Variants in FADS2 observed in about 807,000 individuals in gnomAD.
The protein encoded by FADS2 is acyl-CoA 6-desaturase.
A neutral mutation model predicts 61.2 loss-of-function variants in FADS2; 18 were observed. The ratio of observed to expected loss-of-function variants is 0.29; its 90% CI spans 0.20 to 0.44. FADS2 has a LOEUF of 0.44. Among genes scored for constraint, FADS2 ranks in the 20% least tolerant of loss-of-function variants. The probability of loss-of-function intolerance (pLI) is 1.00; values close to 1 mark genes in which losing one functional copy is unlikely to be tolerated. For missense variants in FADS2, 322 were observed against 572.7 expected (o/e 0.56, Z 4.47); for synonymous variants, 203 against 223.9 (o/e 0.91, Z 0.83).
chr11:61,820,125 G>A (rs774873195), intron 1 of FADS2, among the ~76,000 whole-genome samples: 8 of 151,634 alleles, frequency 5.3e-5, no homozygotes, highest in South Asian at 4.2e-4. Flanking sequence ...GAATCACCTG[G>A]GCAACATGGT....
chr11:61,857,946 A>G (rs1251032956), intron 7 of FADS2, among the ~76,000 whole-genome samples: 2 of 152,212 alleles, frequency 1.3e-5, no homozygotes, highest in African/African-American at 4.8e-5. Context: ...CGAAGACCGT[A>G]TGACAAAGCA....
chr11:61,859,409 C>T (rs1262763041), intron 7 of FADS2, among the ~76,000 whole-genome samples: 2 of 152,216 alleles, frequency 1.3e-5, no homozygotes, highest in Admixed American at 1.3e-4. Flanking sequence ...TTCACCCTGA[C>T]TGTGAATTTA....
rs183164194 is a variant in FADS2, at chr11:61,861,031, C to T, written c.883-1941C>T. ...ACCAGCCTGGGCAAGTAAGTGAGACCCCCCCATCTCTATAAAAACTTAAAA... is the reference window on the plus strand; with the variant it reads ...ACCAGCCTGGGCAAGTAAGTGAGACTCCCCCATCTCTATAAAAACTTAAAA... On this transcript the variant is annotated intron_variant, in intron 7 of 11. Coordinates refer to ENST00000278840, the MANE Select transcript of FADS2 (RefSeq NM_004265.4). 1.8e-3 allele frequency among the ~76,000 whole-genome samples: 269 copies of T among 151,664 alleles called. 2 individuals carry two copies. The highest frequency in any genetic ancestry group is 2.3e-3 in the Non-Finnish European group (153 of 67,904).
chr11:61,857,141 C>A, intron 6 of FADS2, 70 bp downstream of exon 6: 1 of 1,272,560 alleles, frequency 7.9e-7, no homozygotes, highest in Non-Finnish European at 1.2e-6. Context: ...TCTCTCCCTC[C>A]TACCTGACAT....
At chr11:61,837,635 G>C (rs1475471192) in intron 1 of FADS2, 143 bp from the exon 2 acceptor site, 3 of 623,628 alleles carry the variant, frequency 4.8e-6, no homozygotes, top group African/African-American at 1.8e-5. Flanking sequence ...TGCTGGAGAC[G>C]GCATTTGGGG....
chr11:61,820,893 C>G (rs919150247), intron 1 of FADS2, among the ~76,000 whole-genome samples: 5 of 152,108 alleles, frequency 3.3e-5, no homozygotes, highest in Non-Finnish European at 7.4e-5. Flanking sequence ...GAGCCAGACT[C>G]TGTCTCTAAA....
intron 10 of FADS2, among the ~76,000 whole-genome samples, chr11:61,864,588 T>G (rs1452578305): frequency 6.6e-6 from 1 of 151,238 alleles, no homozygotes; most frequent in Admixed American, 6.6e-5. Context: ...GGAGACGGGG[T>G]TTCACCATGT....
At chr11:61,825,335 A>G (rs2067075404), upstream of FADS2, among the ~76,000 whole-genome samples, 1 of 150,282 alleles carries the variant, frequency 6.7e-6, no homozygotes. Context: ...AGGATATTCT[A>G]GGCTGGGCAG....
intron 5 of FADS2, chr11:61,854,186 T>C (rs988908091): frequency 1.3e-5 from 2 of 152,338 alleles, no homozygotes; most frequent in African/African-American, 4.8e-5. Flanking sequence ...TCTCTGTGTG[T>C]GTGACGGGGA....
At chr11:61,838,106 T>G (rs75992720) in intron 2 of FADS2, among the ~76,000 whole-genome samples, 9,519 of 152,250 alleles carry the variant, frequency 0.063, 383 homozygotes, top group African/African-American at 0.11. Flanking sequence ...TCCTCTCTCC[T>G]GGCCAGTTTC....
intron 8 of FADS2, 100 bp downstream of exon 8, chr11:61,863,169 C>T (rs2067432248): frequency 2.1e-6 from 3 of 1,437,340 alleles, no homozygotes; most frequent in Admixed American, 3.4e-5. Flanking sequence ...GCCTGGGGAC[C>T]TCCCATCCTG....
At chr11:61,841,515 A>G (rs1390510883) in intron 4 of FADS2, among the ~76,000 whole-genome samples, 1 of 150,660 alleles carries the variant, frequency 6.6e-6, no homozygotes, top group Non-Finnish European at 1.5e-5. Flanking sequence ...CCTGGGCAAC[A>G]TAGTGAGACC....
chr11:61,854,332 A>G (rs1331758947), intron 5 of FADS2: 1 of 152,298 alleles, frequency 6.6e-6, no homozygotes, highest in Non-Finnish European at 1.5e-5. Context: ...TGCGTGCACA[A>G]CGTCACTTAA....
chr11:61,824,447 GGA>G (rs2067058818), upstream of FADS2, among the ~76,000 whole-genome samples: 4 of 5,290 alleles, frequency 7.6e-4, no homozygotes, highest in African/African-American at 2.3e-3. Flanking sequence ...AGGGAGGGAG[GGA>G]GGGAGGGAGG....
At chr11:61,825,828 GC>G (rs2067080322), upstream of FADS2, among the ~76,000 whole-genome samples, 4 of 152,144 alleles carry the variant, frequency 2.6e-5, no homozygotes, top group Admixed American at 2.6e-4. Flanking sequence ...GGGAGGTGGA[GC>G]TTGCAGTGAG....
chr11:61,860,035 AG>A (rs1236155627), intron 7 of FADS2, among the ~76,000 whole-genome samples: 2 of 152,222 alleles, frequency 1.3e-5, no homozygotes, highest in Non-Finnish European at 2.9e-5. Context: ...GGGATGGCAG[AG>A]TGGGGACAAT....
intron 7 of FADS2, among the ~76,000 whole-genome samples, chr11:61,860,593 G>A (rs893908825): frequency 3.9e-5 from 6 of 152,158 alleles, no homozygotes; most frequent in East Asian, 1.9e-4. Context: ...TGAAACCAGC[G>A]ATCTCTGTGT....
At chr11:61,863,226 T>C (rs1009196180) in intron 8 of FADS2, 56 bp from the exon 9 acceptor site, 50 of 1,489,556 alleles carry the variant, frequency 3.4e-5, no homozygotes, top group Admixed American at 1.7e-4. Flanking sequence ...AGTGGATCTG[T>C]TCCCACTGTG....
intron 2 of FADS2, 115 bp from the exon 3 acceptor site, chr11:61,840,219 C>T (rs1484437697): frequency 3.4e-6 from 3 of 871,684 alleles, no homozygotes; most frequent in African/African-American, 1.7e-5. Flanking sequence ...GCTTGGCCCC[C>T]TCTTGCCACA....
Sources: allele counts gnomAD v4.1 joint callset (sites outside exome capture counted in the v4.1 genomes callset), GRCh38; gene constraint gnomAD v4.1.1; transcripts MANE v1.5; gene names NCBI Gene and HGNC (gene_info 2026-07-23, HGNC 2026-07-21).